The following LDLRAP1 variants were observed in gnomAD, a reference collection of about 807,000 sequenced individuals.
The protein encoded by LDLRAP1 is low density lipoprotein receptor adapter protein 1.
A neutral mutation model predicts 37.8 loss-of-function variants in LDLRAP1; 30 were observed. The ratio of observed to expected loss-of-function variants is 0.79; its 90% CI spans 0.59 to 1.08. The LOEUF (loss-of-function observed/expected upper bound fraction) is 1.08, where lower values mean the gene tolerates loss of function less well. Ranked by LOEUF, LDLRAP1 falls within the 50% of genes least tolerant of loss-of-function variation. The pLI is 0.00. For missense variants in LDLRAP1, 375 were observed against 401.6 expected (o/e 0.93, Z 0.57); for synonymous variants, 156 against 169.8 (o/e 0.92, Z 0.63).
the LDLRAP1 span, among the ~76,000 whole-genome samples, chr1:25,589,308 G>GAAAGAAAGAAAGAAAGAAAGAAAGAAAA: frequency 1.3e-5 from 2 of 148,794 alleles, no homozygotes; most frequent in African/African-American, 5.2e-5. Flanking sequence ...CATCTCAAAA[G>GAAAGAAAGAAAGAAAGAAAGAAAGAAAA]AAAGAAAGAA....
chr1:25,559,339 G>C (rs1298240094), intron 4 of LDLRAP1, among the ~76,000 whole-genome samples: 1 of 152,168 alleles, frequency 6.6e-6, no homozygotes, highest in Non-Finnish European at 1.5e-5. Context: ...GAGTAAGAGA[G>C]AGGTGCAGGC....
chr1:25,587,983 C>G, the LDLRAP1 span, among the ~76,000 whole-genome samples: 1 of 152,066 alleles, frequency 6.6e-6, no homozygotes, highest in African/African-American at 2.4e-5. Flanking sequence ...AACCCTACCC[C>G]CAACCCTGTG....
intron 1 of LDLRAP1, among the ~76,000 whole-genome samples, chr1:25,551,018 G>C (rs181517220): frequency 6.6e-6 from 1 of 152,328 alleles, no homozygotes; most frequent in East Asian, 1.9e-4. Flanking sequence ...ATGGGGGCTG[G>C]AGAGGGAGAG....
rs1275670035 is a variant in LDLRAP1, at chr1:25,554,273, TG to T, written c.231+211del. On this transcript the variant is annotated intron_variant, in intron 2 of 8. Coordinates refer to ENST00000374338, the MANE Select transcript of LDLRAP1 (RefSeq NM_015627.3). The surrounding 1 kb of genome is among the most constrained non-coding windows in gnomAD (Gnocchi z 5.4). ...GTTAGTGGCTTCCCTCCAGCCATTA[TG>T]GCCTCTTCCAGCCTCCCCACCCCCA... is the stretch of plus-strand genomic sequence containing the variant. 2.0e-5 allele frequency among the ~76,000 whole-genome samples: 3 copies of T among 152,302 alleles called. No homozygotes were observed. The highest frequency in any genetic ancestry group is 6.5e-5 in the Admixed American group (1 of 15,306).
rs2043852152 is a variant in LDLRAP1 at position 25,543,615 on chromosome 1, A to AGCCCGCGCGCC, written c.-81_-71dup. The AGCCCGCGCGCC allele has an allele frequency of 1.0e-6, 1 of 974,056 alleles. No homozygotes were observed. The highest frequency in any genetic ancestry group is 1.7e-5 in the African/African-American group (1 of 58,612). The allele number at this position is 974,056 out of a possible 1,614,324, so 60.3% of individuals were successfully genotyped here. On this transcript the variant is annotated 5_prime_UTR_variant, in exon 1 of 9. Coordinates refer to ENST00000374338, the MANE Select transcript of LDLRAP1 (RefSeq NM_015627.3). The stretch of plus-strand genomic sequence containing the variant: ...TGGCGCTGGGAGGGGAGGAGCGCGC[A>AGCCCGCGCGCC]GCCCGCGCGCCGCAGGGCCGGGCGG...
chr1:25,565,253 GCT>G lies in LDLRAP1; in HGVS notation c.782+47_782+48del, dbSNP rs771496044. 62 of 1,604,426 alleles carry G rather than the reference GCT, an allele frequency of 3.9e-5. No individual in the cohort carries two copies. In the East Asian group the frequency reaches 1.4e-3, roughly 35 times the overall value. ...TGGGTAGGGGGCCTGGTGTGCGTGG[GCT>G]GGCCCTGCTGCCCTTTCTCCTGGGG... is the stretch of plus-strand genomic sequence containing the variant. On this transcript the variant is annotated intron_variant, in intron 8 of 8. Coordinates refer to ENST00000374338, the MANE Select transcript of LDLRAP1 (RefSeq NM_015627.3).
chr1:25,552,595 CTG>C (rs1394126732), intron 1 of LDLRAP1, among the ~76,000 whole-genome samples: 3 of 152,212 alleles, frequency 2.0e-5, no homozygotes, highest in African/African-American at 7.2e-5. Context: ...GGTTTCCTCT[CTG>C]TAAAATGGGA....
At chr1:25,556,216 G>A (rs927403835) in intron 3 of LDLRAP1, among the ~76,000 whole-genome samples, 15 of 152,228 alleles carry the variant, frequency 9.9e-5, no homozygotes, top group Non-Finnish European at 1.0e-4. Context: ...GTGAGTCTGT[G>A]GTGCTCCTGC....
In LDLRAP1 at chr1:25,543,665, G is replaced by C. The variant is rs1482362946; in HGVS notation, c.-34G>C. On this transcript the variant is annotated 5_prime_UTR_variant, in exon 1 of 9. Coordinates refer to ENST00000374338, the MANE Select transcript of LDLRAP1 (RefSeq NM_015627.3). ...GAAAGTTTTTCCTGACGGAGTTTTG[G>C]CTGCGGCAGCGGCGGCGGCGGCCGG... 1 of 1,205,770 alleles carries C rather than the reference G, an allele frequency of 8.3e-7. No individual in the cohort carries two copies. Among genetic ancestry groups the C allele is most frequent in the Non-Finnish European group, 1.0e-6 (1 of 970,016 alleles). The allele number at this position is 1,205,770 out of a possible 1,614,324, so 74.7% of individuals were successfully genotyped here. A position where few individuals can be genotyped will look rare whatever the true frequency, so the allele number is the denominator to read the frequency against.
At position 25,555,782 on chromosome 1, in the gene LDLRAP1, T is replaced by G. The variant is rs2044183380; in HGVS notation, c.344+810T>G. 1.3e-5 allele frequency among the ~76,000 whole-genome samples: 2 copies of G among 152,298 alleles called. No homozygotes were observed. Among genetic ancestry groups the G allele is most frequent in the South Asian group, 2.1e-4 (1 of 4,828 alleles). ...CTCACCGGCCTGATCATACCTGCCT[T>G]CCTTTAGTCAACAGTTTCAGATACC... is the stretch of plus-strand genomic sequence containing the variant. On this transcript the variant is annotated intron_variant, in intron 3 of 8. Transcript: ENST00000374338. The surrounding 1 kb of genome is among the most constrained non-coding windows in gnomAD (Gnocchi z 4.7).
downstream of LDLRAP1, among the ~76,000 whole-genome samples, chr1:25,572,404 T>G (rs988784693): frequency 2.0e-5 from 3 of 152,250 alleles, no homozygotes; most frequent in Middle Eastern, 3.4e-3. Flanking sequence ...GCACTCTGGG[T>G]CTCCGTCACA....
At chr1:25,589,304 A>AAGAAAG in the LDLRAP1 span, among the ~76,000 whole-genome samples, 7 of 149,040 alleles carry the variant, frequency 4.7e-5, no homozygotes, top group Middle Eastern at 3.4e-3. Context: ...ACTCCATCTC[A>AAGAAAG]AAAGAAAGAA....
chr1:25,584,111 C>T, the LDLRAP1 span, among the ~76,000 whole-genome samples: 3 of 152,120 alleles, frequency 2.0e-5, no homozygotes, highest in Non-Finnish European at 2.9e-5. Context: ...CAAGGTCCTC[C>T]GCGTGGCAGG....
chr1:25,577,823 G>A, the LDLRAP1 span, among the ~76,000 whole-genome samples: 1 of 152,226 alleles, frequency 6.6e-6, no homozygotes, highest in Non-Finnish European at 1.5e-5. Flanking sequence ...GTAAATGGGG[G>A]TGATAGTGGG....
chr1:25,565,739 T>C (rs1210446921), intron 8 of LDLRAP1, among the ~76,000 whole-genome samples: 1 of 152,146 alleles, frequency 6.6e-6, no homozygotes, highest in Admixed American at 6.5e-5. Flanking sequence ...CCCCTGCAGC[T>C]TGGGGACATG....
the LDLRAP1 span, among the ~76,000 whole-genome samples, chr1:25,582,033 C>G: frequency 6.6e-6 from 1 of 152,194 alleles, no homozygotes; most frequent in African/African-American, 2.4e-5. Flanking sequence ...CCAGCGCAGG[C>G]CTGGGCTTCC....
intron 1 of LDLRAP1, among the ~76,000 whole-genome samples, chr1:25,547,592 G>A (rs1388790637): frequency 6.6e-6 from 1 of 152,202 alleles, no homozygotes; most frequent in African/African-American, 2.4e-5. Flanking sequence ...AGGCAGTGTA[G>A]AACGTGCTCT....
At chr1:25,575,197 A>T in the LDLRAP1 span, among the ~76,000 whole-genome samples, 2 of 152,176 alleles carry the variant, frequency 1.3e-5, no homozygotes, top group African/African-American at 4.8e-5. Context: ...CCCAAGGAAG[A>T]GTCAGATCTC....
intron 4 of LDLRAP1, among the ~76,000 whole-genome samples, chr1:25,561,852 G>A (rs535368092): frequency 1.3e-5 from 2 of 151,974 alleles, no homozygotes; most frequent in Non-Finnish European, 2.9e-5. Flanking sequence ...ACAAAGCTGG[G>A]GGAAACACAG....
Sources: allele counts gnomAD v4.1 joint callset (sites outside exome capture counted in the v4.1 genomes callset), GRCh38; gene constraint gnomAD v4.1.1; non-coding constraint Gnocchi (gnomAD v3.1); transcripts MANE v1.5; gene names NCBI Gene and HGNC (gene_info 2026-07-23, HGNC 2026-07-21).